IP6K3: variants seen among roughly 807,000 people sequenced by gnomAD.
IP6K3 encodes inositol hexakisphosphate kinase 3.
In IP6K3, 20 loss-of-function variants were observed where a neutral mutation model predicts 28.8. The observed-to-expected ratio is 0.70, with a 90% CI of 0.49 to 1.01. The LOEUF is 1.01. Among genes scored for constraint, IP6K3 ranks in the 50% least tolerant of loss-of-function variants. The pLI is 0.00. For synonymous variants in IP6K3, 213 were observed against 221.3 expected (o/e 0.96, Z 0.33); for missense variants, 480 against 537.1 (o/e 0.89, Z 1.05).
At position 33,742,204 on chromosome 6, in the gene IP6K3, G is replaced by A. The variant is rs116134482; in HGVS notation, c.-180+4554C>T. Among the ~76,000 whole-genome samples, 707 of 152,202 alleles carry A rather than the reference G, an allele frequency of 4.6e-3. 9 individuals are homozygous for A. The highest frequency in any genetic ancestry group is 0.016 in the African/African-American group (655 of 41,542). On this transcript the variant is annotated intron_variant, in intron 1 of 5. Coordinates refer to ENST00000293756, the MANE Select transcript of IP6K3 (RefSeq NM_054111.5). The surrounding 1 kb of genome is among the most constrained non-coding windows in gnomAD (Gnocchi z 4.5). Reference sequence around the variant, plus strand: ...CTATCAGGCACCAATGCTGGGACTCGGCCGTGATGAGTCTGTCTCACTCTG... The same window carrying A: ...CTATCAGGCACCAATGCTGGGACTCAGCCGTGATGAGTCTGTCTCACTCTG...
At chr6:33,755,854 T>A in the IP6K3 span, among the ~76,000 whole-genome samples, 1 of 152,228 alleles carries the variant, frequency 6.6e-6, no homozygotes, top group Non-Finnish European at 1.5e-5. Context: ...TTTTTTTTAT[T>A]TTTATTATTT....
chr6:33,733,692 C>A (rs371229743), intron 2 of IP6K3, among the ~76,000 whole-genome samples: 1 of 152,234 alleles, frequency 6.6e-6, no homozygotes, highest in Non-Finnish European at 1.5e-5. Flanking sequence ...GCCTGCGGGC[C>A]GGGAAGACCC....
chr6:33,730,149 T>G (rs150667061), intron 2 of IP6K3, among the ~76,000 whole-genome samples: 488 of 152,356 alleles, frequency 3.2e-3, no homozygotes, highest in African/African-American at 0.01. Flanking sequence ...CCCAGCCACG[T>G]GGTCACCTTC....
At chr6:33,729,185 C>G (rs965532807) in intron 2 of IP6K3, among the ~76,000 whole-genome samples, 2 of 152,246 alleles carry the variant, frequency 1.3e-5, no homozygotes, top group African/African-American at 4.8e-5. Context: ...CTGTAGCCAC[C>G]CTTTAGCGTC....
intron 3 of IP6K3, chr6:33,727,802 A>G: frequency 1.0e-6 from 1 of 982,228 alleles, no homozygotes; most frequent in East Asian, 1.1e-4. Context: ...AGTGAAACAG[A>G]TATTTAATTA....
the IP6K3 span, among the ~76,000 whole-genome samples, chr6:33,757,194 C>T: frequency 6.6e-6 from 1 of 152,232 alleles, no homozygotes; most frequent in Non-Finnish European, 1.5e-5. Context: ...AGCCCCTCCT[C>T]CCTCACCTCC....
intron 2 of IP6K3, among the ~76,000 whole-genome samples, chr6:33,733,065 C>G (rs563837245): frequency 4.6e-5 from 7 of 152,240 alleles, no homozygotes; most frequent in Non-Finnish European, 8.8e-5. Context: ...AGCCCACGGG[C>G]TCTGTCTGCC....
rs1765976025 is a variant in IP6K3 at position 33,723,153 on chromosome 6, T to C, written c.800A>G (p.Lys267Arg). ...GAGTTTTCTTCCATAGTACTTGTCT[T>C]TGCAGAGAAAGTACTTCTTATCTGT... ...YQTDKKYFLC[K>R]DKYYGRKLSV... Residue 267 changes from lysine to arginine, a missense_variant, in exon 6 of 6, where the codon AAA (lysine) becomes AGA (arginine). Lys to Arg is a conservative substitution (Grantham distance 26, BLOSUM62 2). Coordinates refer to ENST00000293756, the MANE Select transcript of IP6K3 (RefSeq NM_054111.5). 6.2e-7 allele frequency: 1 copy of C among 1,600,122 alleles called. No homozygotes were observed. The highest frequency in any genetic ancestry group is 1.1e-5 in the South Asian group (1 of 88,822).
Position 33,746,364 on chromosome 6 carries a change from C to T in IP6K3, c.-180+394G>A, listed in dbSNP as rs971036373. 3.3e-5 allele frequency among the ~76,000 whole-genome samples: 5 copies of T among 152,180 alleles called. No homozygotes were observed. The highest frequency in any genetic ancestry group is 3.3e-4 in the Admixed American group (5 of 15,286). On this transcript the variant is annotated intron_variant, in intron 1 of 5. Transcript: ENST00000293756. The surrounding 1 kb of genome is among the most constrained non-coding windows in gnomAD (Gnocchi z 6.5). ...GCCCGCGTTTCTTGGACACCGGCCT[C>T]TGTTAAGGGTTAACGCAGCCCCCGG...
intron 2 of IP6K3, among the ~76,000 whole-genome samples, chr6:33,731,275 G>GT (rs1431703537): frequency 6.6e-6 from 1 of 152,006 alleles, no homozygotes; most frequent in Non-Finnish European, 1.5e-5. Context: ...CCTGCCACAC[G>GT]TGACCCTGGC....
chr6:33,728,896 G>A (rs1051367957), intron 2 of IP6K3, among the ~76,000 whole-genome samples: 12 of 152,062 alleles, frequency 7.9e-5, no homozygotes, highest in African/African-American at 1.7e-4. Context: ...GCCCTCCCCC[G>A]TCTGTCTGCC....
intron 1 of IP6K3, 134 bp from the exon 2 acceptor site, chr6:33,735,789 A>C: frequency 2.4e-6 from 1 of 412,746 alleles, no homozygotes; most frequent in East Asian, 5.3e-5. Flanking sequence ...GACTGTAAAT[A>C]TCCATTGATT....
At chr6:33,741,745 A>C (rs1183423801) in intron 1 of IP6K3, among the ~76,000 whole-genome samples, 1 of 149,634 alleles carries the variant, frequency 6.7e-6, no homozygotes, top group East Asian at 2.0e-4. Flanking sequence ...TGAGGTCAGG[A>C]GTTCGAGACC....
chr6:33,755,583 G>T, the IP6K3 span, among the ~76,000 whole-genome samples: 1 of 152,258 alleles, frequency 6.6e-6, no homozygotes, highest in East Asian at 1.9e-4. Context: ...TCACATTTCA[G>T]TGGGGTCCTG....
intron 1 of IP6K3, among the ~76,000 whole-genome samples, chr6:33,738,936 C>T (rs1170609670): frequency 6.6e-6 from 1 of 152,184 alleles, no homozygotes; most frequent in Non-Finnish European, 1.5e-5. Flanking sequence ...ACATCTGTCT[C>T]CTACCTCTGC....
chr6:33,740,724 C>T (rs182497425), intron 1 of IP6K3, among the ~76,000 whole-genome samples: 22 of 152,340 alleles, frequency 1.4e-4, no homozygotes, highest in Admixed American at 1.0e-3. Flanking sequence ...TTTTTATTTC[C>T]GGAGAGTCTT....
At chr6:33,728,726 C>A (rs1299160554) in intron 2 of IP6K3, among the ~76,000 whole-genome samples, 1 of 152,212 alleles carries the variant, frequency 6.6e-6, no homozygotes, top group African/African-American at 2.4e-5. Flanking sequence ...CTCAGAGTGC[C>A]AGTGAGGGAA....
chr6:33,730,215 C>G (rs1358418819), intron 2 of IP6K3, among the ~76,000 whole-genome samples: 3 of 152,136 alleles, frequency 2.0e-5, no homozygotes, highest in African/African-American at 7.2e-5. Context: ...CATCTCTCGG[C>G]TTGCATGCCT....
Position 33,722,794 on chromosome 6 carries a change from C to G in IP6K3, c.1159G>C (p.Gly387Arg). The G allele has an allele frequency of 6.2e-7, 1 of 1,614,064 alleles. No individual in the cohort carries two copies. Among genetic ancestry groups the G allele is most frequent in the Non-Finnish European group, 8.5e-7 (1 of 1,179,994 alleles). ...GYWNEHTTYD[G>R]PDPGYIFGLE... Reference sequence around the variant, plus strand: ...CCAAAAATATAGCCAGGGTCTGGTCCATCGTAGGTGGTGTGCTCATTCCAG... The same window carrying G: ...CCAAAAATATAGCCAGGGTCTGGTCGATCGTAGGTGGTGTGCTCATTCCAG... The change falls in exon 6 of 6, where the codon GGA becomes CGA. Residue 387 changes from glycine to arginine, a missense_variant. Gly to Arg is a moderately radical substitution (Grantham distance 125). Coordinates refer to ENST00000293756, the MANE Select transcript of IP6K3 (RefSeq NM_054111.5).
Sources: allele counts gnomAD v4.1 joint callset (sites outside exome capture counted in the v4.1 genomes callset), GRCh38; gene constraint gnomAD v4.1.1; non-coding constraint Gnocchi (gnomAD v3.1); transcripts MANE v1.5; gene names NCBI Gene and HGNC (gene_info 2026-07-23, HGNC 2026-07-21).